The following ZBED6 variants were observed in gnomAD, a reference collection of about 807,000 sequenced individuals.
ZBED6 encodes zinc finger BED domain-containing protein 6.
A neutral mutation model predicts 58.4 loss-of-function variants in ZBED6; 40 were observed. That is an observed-to-expected ratio of 0.68 (90% CI 0.53 to 0.89). The LOEUF (loss-of-function observed/expected upper bound fraction) is 0.89, where lower values mean the gene tolerates loss of function less well. ZBED6 is among the 40% of genes least tolerant of loss of function. The pLI is 0.00. For synonymous variants in ZBED6, 439 were observed against 350.6 expected (o/e 1.25, Z -2.82); for missense variants, 1,057 against 1,003.9 (o/e 1.05, Z -0.71).
intron 8 of ZBED6, among the ~76,000 whole-genome samples, 181 bp from the exon 9 acceptor site, chr1:203,833,610 A>G (rs1410202614): frequency 1.9e-5 from 2 of 104,496 alleles, no homozygotes; most frequent in African/African-American, 6.7e-5. Flanking sequence ...TATTATTAAT[A>G]GGTTTGGGTT....
rs1190775003 is a variant in ZBED6, at chr1:203,833,286, A to AC, written c.*3511-502dup. Among the ~76,000 whole-genome samples the AC allele has an allele frequency of 2.0e-5, 3 of 148,570 alleles. No homozygotes were observed. In the East Asian group the frequency reaches 6.1e-4, roughly 30 times the overall value. Reference sequence around the variant, plus strand: ...AGGCTGAGGCAGGAGAATCGCTTGAACCCGGGAGGTGGAGGTTGCAGTGAG... The same window carrying AC: ...AGGCTGAGGCAGGAGAATCGCTTGAACCCCGGGAGGTGGAGGTTGCAGTGAG... On this transcript the variant is annotated intron_variant, in intron 8 of 16. Transcript: ENST00000550078.
exon 1 of ZBED6, chr1:203,798,032 T>C: frequency 3.3e-6 from 5 of 1,534,486 alleles, no homozygotes; most frequent in Non-Finnish European, 4.4e-6. Flanking sequence ...TTGGTACATC[T>C]ACTCTTCAAC....
chr1:203,851,839 C>T (rs144781852), intron 16 of ZBED6, among the ~76,000 whole-genome samples: 219 of 151,684 alleles, frequency 1.4e-3, no homozygotes, highest in African/African-American at 5.0e-3. Flanking sequence ...CATGGTGACA[C>T]ACACCTGTAG....
At chr1:203,805,851 A>G (rs1050776663) in intron 1 of ZBED6, 5 of 898,650 alleles carry the variant, frequency 5.6e-6, no homozygotes, top group Non-Finnish European at 9.1e-6. Context: ...TTTCATTTGC[A>G]TCTTCCATCA....
At position 203,797,682 on chromosome 1, in the gene ZBED6, A is replaced by G. The variant is rs538701413; in HGVS notation, c.160A>G (p.Lys54Glu). The G allele has an allele frequency of 5.4e-4, 835 of 1,536,010 alleles. 4 individuals carry two copies. In the African/African-American group the frequency reaches 0.01, roughly 19 times the overall value. ...AAAGATGGTAGCAGAAGGAGTGAATAAAGAGGCAAAACAGCCTGCTAAAAA... is the reference window on the plus strand; with the variant it reads ...AAAGATGGTAGCAGAAGGAGTGAATGAAGAGGCAAAACAGCCTGCTAAAAA... Residue 54 changes from lysine (K) to glutamate (E), a missense_variant, in exon 1 of 17, where the codon AAA (lysine) becomes GAA (glutamate). Physicochemically the swap from Lys to Glu is moderately conservative, Grantham distance 56. Coordinates refer to ENST00000550078, the Ensembl canonical transcript of ZBED6.
At chr1:203,852,082 G>A in intron 16 of ZBED6, 59 bp from the exon 17 acceptor site, 1 of 1,603,896 alleles carries the variant, frequency 6.2e-7, no homozygotes, top group Non-Finnish European at 8.5e-7. Flanking sequence ...GTGAGACTAG[G>A]TGATTCAGCC....
In ZBED6 at chr1:203,829,907, G is replaced by T; in HGVS notation, c.*3318+11G>T. ...TCAATATAAAGCAAGGTAAGAAGAG[G>T]CTAGATTGGTGCCTCTTATAGCACT... On this transcript the variant is annotated intron_variant, in intron 6 of 16. Transcript: ENST00000550078. The T allele has an allele frequency of 6.2e-7, 1 of 1,609,970 alleles. No individual in the cohort carries two copies. The highest frequency in any genetic ancestry group is 8.5e-7 in the Non-Finnish European group (1 of 1,176,278).
intron 9 of ZBED6, 21 bp from the exon 10 acceptor site, chr1:203,837,945 C>A (rs780214362): frequency 1.3e-6 from 2 of 1,598,656 alleles, no homozygotes; most frequent in Non-Finnish European, 8.5e-7. Context: ...AAATCTTAAA[C>A]TAAGTTCTCC....
chr1:203,839,884 A>T (rs1685540976), intron 10 of ZBED6, among the ~76,000 whole-genome samples: 2 of 151,624 alleles, frequency 1.3e-5, no homozygotes, highest in Admixed American at 1.3e-4. Context: ...GCTCACCCCA[A>T]CCTCCACCTC....
At chr1:203,847,094 T>C (rs1379875329) in intron 11 of ZBED6, 90 bp from the exon 12 acceptor site, 3 of 1,374,844 alleles carry the variant, frequency 2.2e-6, no homozygotes, top group Admixed American at 4.3e-5. Context: ...AGCTCTCTGT[T>C]GGACTGTCTT....
intron 3 of ZBED6, among the ~76,000 whole-genome samples, chr1:203,827,282 G>A (rs1680826818): frequency 6.6e-6 from 1 of 151,184 alleles, no homozygotes; most frequent in Non-Finnish European, 1.5e-5. Flanking sequence ...GAGAACTAAT[G>A]TATATATTTT....
At chr1:203,845,299 A>T (rs1422846510) in intron 11 of ZBED6, among the ~76,000 whole-genome samples, 1 of 152,150 alleles carries the variant, frequency 6.6e-6, no homozygotes, top group Non-Finnish European at 1.5e-5. Flanking sequence ...CAGGGCCTCT[A>T]TGTCACCATT....
At chr1:203,805,209 A>C (rs1463678424) in intron 1 of ZBED6, among the ~76,000 whole-genome samples, 4 of 146,828 alleles carry the variant, frequency 2.7e-5, no homozygotes, top group African/African-American at 1.0e-4. Context: ...ATCTTGGCTC[A>C]CTGGACCTCC....
intron 1 of ZBED6, among the ~76,000 whole-genome samples, chr1:203,808,414 A>G (rs1673106075): frequency 6.6e-6 from 1 of 152,226 alleles, no homozygotes; most frequent in Non-Finnish European, 1.5e-5. Flanking sequence ...ATGTCTGTGT[A>G]TAGCAGAGAT....
chr1:203,805,629 G>A (rs531915727), intron 1 of ZBED6: 7 of 688,602 alleles, frequency 1.0e-5, no homozygotes, highest in South Asian at 9.5e-5. Flanking sequence ...TATGAAGCAG[G>A]GATCTGTGGC....
intron 3 of ZBED6, among the ~76,000 whole-genome samples, chr1:203,826,488 C>T (rs931342207): frequency 6.6e-6 from 1 of 152,052 alleles, no homozygotes; most frequent in Non-Finnish European, 1.5e-5. Context: ...AATCACCTTT[C>T]AGAGATGTGG....
At chr1:203,852,548 T>G in exon 17 of ZBED6, 3 of 811,072 alleles carry the variant, frequency 3.7e-6, no homozygotes, top group Admixed American at 2.9e-5. Flanking sequence ...GTATGTGTCC[T>G]GGATTCCTTG....
chr1:203,828,205 G>T, intron 3 of ZBED6, 94 bp from the exon 4 acceptor site: 3 of 1,473,616 alleles, frequency 2.0e-6, no homozygotes, highest in South Asian at 2.5e-5. Flanking sequence ...TCGGATTTTT[G>T]AACCCTGTAT....
intron 4 of ZBED6, 76 bp from the exon 5 acceptor site, chr1:203,829,375 A>G (rs1055062121): frequency 1.2e-5 from 18 of 1,448,800 alleles, no homozygotes; most frequent in African/African-American, 1.4e-5. Flanking sequence ...TATAGTTTTC[A>G]TAGGTGGTCA....
Sources: allele counts gnomAD v4.1 joint callset (sites outside exome capture counted in the v4.1 genomes callset), GRCh38; gene constraint gnomAD v4.1.1; transcripts MANE v1.5; gene names NCBI Gene and HGNC (gene_info 2026-07-23, HGNC 2026-07-21).